CYGB: variants seen among roughly 807,000 people sequenced by gnomAD.
CYGB encodes the protein cytoglobin, also known as histoglobin.
In CYGB, 13 loss-of-function variants were observed where a neutral mutation model predicts 20.7. That is an observed-to-expected ratio of 0.63 (90% confidence interval 0.41 to 1.00). The LOEUF is 1.00. CYGB is among the 50% of genes least tolerant of loss of function. CYGB has a pLI of 0.00. For missense variants in CYGB, 218 were observed against 257.2 expected, an observed-to-expected ratio of 0.85 and a Z score of 1.04; for synonymous variants, 93 against 107.4, an observed-to-expected ratio of 0.87 and a Z score of 0.83.
chr17:76,549,142 A>T (rs2075083397), intron 1 of CYGB, among the ~76,000 whole-genome samples: 2 of 152,252 alleles, frequency 1.3e-5, no homozygotes, highest in Admixed American at 6.5e-5. Context: ...GACTTTATCA[A>T]AATTAAACCT....
At chr17:76,540,058 C>T, upstream of CYGB, 3 of 1,427,052 alleles carry the variant, frequency 2.1e-6, no homozygotes, top group Non-Finnish European at 2.9e-6. The surrounding 1 kb of genome is among the most constrained non-coding windows in gnomAD (Gnocchi z 5.0). Context: ...GGCAGTGGCT[C>T]CTGAGAGCTG....
upstream of CYGB, chr17:76,540,261 G>GC: frequency 1.2e-6 from 1 of 826,468 alleles, no homozygotes; most frequent in Non-Finnish European, 2.0e-6. The surrounding 1 kb of genome is among the most constrained non-coding windows in gnomAD (Gnocchi z 5.0). Context: ...CGGGGGGGGG[G>GC]GGCATGGGGC....
Position 76,530,987 on chromosome 17 carries a change from G to T in CYGB, c.531C>A (p.Asn177Lys). The part of the protein sequence containing the change: ...KEVGWVQQVP[N>K]ATTPPATLPS... ...CTCGCCCGCCTCCTCACGTGGTGGCGTTGGGGACCTGCTGCACCCAGCCCA... is the reference window on the plus strand; with the variant it reads ...CTCGCCCGCCTCCTCACGTGGTGGCTTTGGGGACCTGCTGCACCCAGCCCA... The change falls in exon 3 of 4, where the codon AAC (asparagine) becomes AAA (lysine). Residue 177 changes from asparagine (N) to lysine (K), a missense_variant. Around this residue, in one of 2 missense-constraint regions of CYGB, gnomAD observed 66 missense variants for 107.4 expected, o/e 0.61. Coordinates refer to ENST00000293230, the MANE Select transcript of CYGB (RefSeq NM_134268.5). This position sits in a 1 kb window ranked among gnomAD's most constrained non-coding sequence, Gnocchi z 6.1. 3 of 1,604,802 alleles carry T rather than the reference G, an allele frequency of 1.9e-6. No homozygotes were observed. The highest frequency in any genetic ancestry group is 2.6e-6 in the Non-Finnish European group (3 of 1,175,040).
In CYGB at chr17:76,530,477, T is replaced by G. The variant is rs528250404; in HGVS notation, c.539+502A>C. On this transcript the variant is annotated intron_variant, in intron 3 of 3. Transcript: ENST00000293230. This position sits in a 1 kb window ranked among gnomAD's most constrained non-coding sequence, Gnocchi z 6.1. ...CATGTAGCTTCCTCGTGGGCTGGGG[T>G]GTGTGTGTGTGTGTATGTGTCCTCG... 3.4e-4 allele frequency among the ~76,000 whole-genome samples: 52 copies of G among 150,894 alleles called. No individual in the cohort carries two copies. Among genetic ancestry groups the G allele is most frequent in the African/African-American group, 7.3e-4 (30 of 41,116 alleles).
chr17:76,538,415 CCT>C (rs2074948320), upstream of CYGB: 1 of 436,746 alleles, frequency 2.3e-6, no homozygotes, highest in South Asian at 1.6e-5. Context: ...GCCTGCGCCC[CCT>C]CTCCTTCCGC....
chr17:76,534,124 T>TCTC (rs2143101853), intron 1 of CYGB, among the ~76,000 whole-genome samples: 1 of 134,806 alleles, frequency 7.4e-6, no homozygotes, highest in South Asian at 2.6e-4. Context: ...CTTTCTTTCT[T>TCTC]TCTTTCTCTC....
At chr17:76,549,063 A>T (rs747632787) in intron 1 of CYGB, among the ~76,000 whole-genome samples, 13 of 152,234 alleles carry the variant, frequency 8.5e-5, no homozygotes, top group African/African-American at 1.2e-4. Flanking sequence ...AGGCAATCCA[A>T]TGGAGAAAGA....
chr17:76,541,517 C>T (rs901291624), upstream of CYGB, among the ~76,000 whole-genome samples: 16 of 152,142 alleles, frequency 1.1e-4, no homozygotes, highest in Non-Finnish European at 1.6e-4. Context: ...AGAGAACTTC[C>T]GTCTTTCTGT....
chr17:76,540,345 AC>A (rs112831645), upstream of CYGB: 34 of 1,298,090 alleles, frequency 2.6e-5, no homozygotes, highest in African/African-American at 2.3e-4. The surrounding 1 kb of genome is among the most constrained non-coding windows in gnomAD (Gnocchi z 5.0). Context: ...ATTTTGAGGA[AC>A]CCTTGAGAGA....
chr17:76,543,916 C>T lies in CYGB; in HGVS notation c.-53+6946G>A, dbSNP rs72860161. ...GGATGGGAGCAACGGACAGCTTGTC[C>T]TCCGAATGTGTTTTCTGTATGTGTG... On this transcript the variant is annotated intron_variant, in intron 1 of 3. Coordinates refer to the CYGB transcript ENST00000589145. The T allele has an allele frequency of 3.8e-3, 1,807 of 470,810 alleles. 6 individuals are homozygous for T. The highest frequency in any genetic ancestry group is 0.01 in the Middle Eastern group (30 of 2,870). 29.2% of individuals were successfully genotyped at this position (470,810 alleles called of 1,614,324 possible). A position where few individuals can be genotyped will look rare whatever the true frequency, so the allele number is the denominator to read the frequency against.
At chr17:76,544,193 C>A (rs1344742237) in intron 1 of CYGB, 8 of 454,518 alleles carry the variant, frequency 1.8e-5, no homozygotes, top group African/African-American at 1.4e-4. Context: ...TCTTCAAAAA[C>A]CCCCCGTGCC....
intron 3 of CYGB, chr17:76,529,358 C>G: frequency 1.0e-6 from 1 of 985,442 alleles, no homozygotes; most frequent in South Asian, 4.7e-5. Flanking sequence ...CATCTCCATT[C>G]AGTCCACAAG....
intron 3 of CYGB, chr17:76,529,170 T>A (rs1448926181): frequency 2.0e-6 from 2 of 983,946 alleles, no homozygotes; most frequent in East Asian, 2.3e-4. Context: ...CTTCTAGGAC[T>A]CTACTCTGTA....
chr17:76,535,941 G>T (rs956163916), intron 1 of CYGB, among the ~76,000 whole-genome samples: 2 of 152,208 alleles, frequency 1.3e-5, no homozygotes, highest in African/African-American at 4.8e-5. Context: ...TGTGCCAGAC[G>T]CATGCAAGGC....
intron 3 of CYGB, chr17:76,529,309 G>A: frequency 1.0e-6 from 1 of 985,430 alleles, no homozygotes; most frequent in Non-Finnish European, 1.2e-6. Flanking sequence ...CTTGACAGCT[G>A]GGAGTAACCC....
intron 1 of CYGB, chr17:76,549,930 TAAG>T (rs1598220263): frequency 1.3e-5 from 2 of 152,256 alleles, no homozygotes; most frequent in Admixed American, 1.3e-4. Flanking sequence ...ACTGCAAGGG[TAAG>T]AAGGTTTTTG....
At chr17:76,537,334 C>T (rs957540667) in intron 1 of CYGB, 66 bp downstream of exon 1, 2 of 1,472,216 alleles carry the variant, frequency 1.4e-6, no homozygotes, top group African/African-American at 1.5e-5. Flanking sequence ...CGGGCCCAGC[C>T]CTCCTCTGCC....
At position 76,534,473 on chromosome 17, in the gene CYGB, C is replaced by T. The variant is rs144721757; in HGVS notation, c.144-2782G>A. 1.2e-3 allele frequency among the ~76,000 whole-genome samples: 181 copies of T among 152,288 alleles called. 1 individual carries two copies. Among genetic ancestry groups the T allele is most frequent in the African/African-American group, 4.2e-3 (174 of 41,544 alleles). ...GGATTACAGGTGTGAGCCACGGTGCCCGGCCTGTTATTGTATTTAATTGCC... is the reference window on the plus strand; with the variant it reads ...GGATTACAGGTGTGAGCCACGGTGCTCGGCCTGTTATTGTATTTAATTGCC... On this transcript the variant is annotated intron_variant, in intron 1 of 3. Coordinates refer to ENST00000293230, the MANE Select transcript of CYGB (RefSeq NM_134268.5).
chr17:76,529,140 A>G (rs1204617588), intron 3 of CYGB: 1 of 979,806 alleles, frequency 1.0e-6, no homozygotes, highest in Non-Finnish European at 1.2e-6. Flanking sequence ...CTTCCCTGAT[A>G]AGAGAAGTTG....
Sources: allele counts gnomAD v4.1 joint callset (sites outside exome capture counted in the v4.1 genomes callset), GRCh38; gene constraint gnomAD v4.1.1; regional missense constraint gnomAD v4.1.1; non-coding constraint Gnocchi (gnomAD v3.1); transcripts MANE v1.5; gene names NCBI Gene and HGNC (gene_info 2026-07-23, HGNC 2026-07-21).